Variants in PPP2R5E observed in about 807,000 individuals in gnomAD.
PPP2R5E encodes serine/threonine-protein phosphatase 2A 56 kDa regulatory subunit epsilon isoform.
A neutral mutation model predicts 65.3 loss-of-function variants in PPP2R5E; 4 were observed. The ratio of observed to expected loss-of-function variants is 0.06; its 90% CI spans 0.03 to 0.14. The LOEUF (loss-of-function observed/expected upper bound fraction) is 0.14, where lower values mean the gene tolerates loss of function less well. PPP2R5E is among the 10% of genes least tolerant of loss of function. The pLI is 1.00. For synonymous variants in PPP2R5E, 183 were observed against 187.4 expected (o/e 0.98, Z 0.19); for missense variants, 274 against 556.1 (o/e 0.49, Z 5.10).
intron 8 of PPP2R5E, 143 bp from the exon 9 acceptor site, chr14:63,392,168 T>C (rs1885060651): frequency 1.7e-5 from 10 of 582,624 alleles, no homozygotes; most frequent in Middle Eastern, 4.7e-4. Context: ...TCATAAAATC[T>C]ATATAAAGTA....
At chr14:63,441,498 G>A (rs1162785581) in intron 3 of PPP2R5E, among the ~76,000 whole-genome samples, 3 of 152,248 alleles carry the variant, frequency 2.0e-5, no homozygotes, top group Admixed American at 1.3e-4. Flanking sequence ...TACTCTCCAA[G>A]TGAGCAGCAT....
At chr14:63,412,326 A>G (rs1886436427) in intron 5 of PPP2R5E, among the ~76,000 whole-genome samples, 1 of 152,264 alleles carries the variant, frequency 6.6e-6, no homozygotes, top group Non-Finnish European at 1.5e-5. Flanking sequence ...AAGCTCAATT[A>G]GAAGCCAGCT....
In PPP2R5E at chr14:63,374,213, T is replaced by C. The variant is rs977238058; in HGVS notation, c.*1796A>G. On this transcript the variant is annotated 3_prime_UTR_variant, in exon 14 of 14. Transcript: ENST00000337537. Reference sequence around the variant, plus strand: ...GTGACCTGATCATCCTGAAAAACTTTATGGGGGAGAAAGGTCAGCAGCTTC... The same window carrying C: ...GTGACCTGATCATCCTGAAAAACTTCATGGGGGAGAAAGGTCAGCAGCTTC... 28 of 152,170 alleles carry C rather than the reference T, an allele frequency of 1.8e-4. No homozygotes were observed. The highest frequency in any genetic ancestry group is 6.3e-4 in the African/African-American group (26 of 41,506). The allele number at this position is 152,170 out of a possible 1,614,324, so 9.4% of individuals were successfully genotyped here.
intron 2 of PPP2R5E, among the ~76,000 whole-genome samples, chr14:63,487,084 A>T (rs1016212314): frequency 3.3e-5 from 5 of 152,202 alleles, no homozygotes; most frequent in African/African-American, 1.2e-4. Flanking sequence ...TGTATTTCCA[A>T]TACAGCTGTC....
intron 2 of PPP2R5E, among the ~76,000 whole-genome samples, chr14:63,465,447 C>A (rs1302787452): frequency 1.1e-5 from 1 of 90,614 alleles, no homozygotes. Context: ...AACTCCACCT[C>A]TACAAAAAAA....
At position 63,379,821 on chromosome 14, in the gene PPP2R5E, T is replaced by TCTCTCTCC. The variant is rs1884211330; in HGVS notation, c.1304+2234_1304+2235insGGAGAGAG. On this transcript the variant is annotated intron_variant, in intron 13 of 13. Coordinates refer to ENST00000337537, the MANE Select transcript of PPP2R5E (RefSeq NM_006246.5). ...GGAAATAAGTTGTTCTTCAATATTC[T>TCTCTCTCC]CTCTCTTTTTTTTTTTTTTTTTTTT... Among the ~76,000 whole-genome samples, 2 of 122,562 alleles carry TCTCTCTCC rather than the reference T, an allele frequency of 1.6e-5. 1 individual carries two copies. The highest frequency in any genetic ancestry group is 3.0e-5 in the Non-Finnish European group (2 of 66,054). The allele number at this position is 122,562 out of a possible 152,430, so 80.4% of individuals were successfully genotyped here.
At chr14:63,440,916 TC>T (rs1888201812) in intron 3 of PPP2R5E, among the ~76,000 whole-genome samples, 1 of 129,886 alleles carries the variant, frequency 7.7e-6, no homozygotes, top group South Asian at 2.5e-4. Context: ...GCCACTGCAC[TC>T]CAGCCTGGGC....
chr14:63,473,117 A>G (rs1890211659), intron 2 of PPP2R5E, among the ~76,000 whole-genome samples: 1 of 152,242 alleles, frequency 6.6e-6, no homozygotes, highest in African/African-American at 2.4e-5. Context: ...AAAGATTACT[A>G]ATGTTTCCAG....
chr14:63,539,746 T>A (rs926953718), intron 1 of PPP2R5E, 54 bp from the exon 2 acceptor site: 6 of 1,503,526 alleles, frequency 4.0e-6, no homozygotes, highest in Non-Finnish European at 5.5e-6. Flanking sequence ...GAAGCATACA[T>A]GTGAGTTATA....
At position 63,543,368 on chromosome 14, in the gene PPP2R5E, T is replaced by A. The variant is rs10140684; in HGVS notation, c.-597A>T. ...CCATGGCACACGCGCAACCGAACCT[T>A]CTGGCCAGCAGCGCCCGCCTCCGGC... On this transcript the variant is annotated 5_prime_UTR_variant, in exon 1 of 14. Coordinates refer to ENST00000337537, the MANE Select transcript of PPP2R5E (RefSeq NM_006246.5). 1,653 of 153,288 alleles carry A rather than the reference T, an allele frequency of 0.011. 21 individuals are homozygous for A. The highest frequency in any genetic ancestry group is 0.037 in the African/African-American group (1,521 of 41,592). 9.5% of individuals were successfully genotyped at this position (153,288 alleles called of 1,614,324 possible).
At chr14:63,505,498 C>A (rs1247153147) in intron 2 of PPP2R5E, among the ~76,000 whole-genome samples, 1 of 152,242 alleles carries the variant, frequency 6.6e-6, no homozygotes, top group Non-Finnish European at 1.5e-5. Flanking sequence ...GCCATTCACT[C>A]TGCTCTCCCC....
At chr14:63,398,155 G>A (rs1885522848) in intron 5 of PPP2R5E, among the ~76,000 whole-genome samples, 2 of 152,184 alleles carry the variant, frequency 1.3e-5, no homozygotes, top group South Asian at 2.1e-4. Context: ...ACAAGCTAAA[G>A]TTTCAGCCAA....
intron 5 of PPP2R5E, among the ~76,000 whole-genome samples, chr14:63,401,170 C>T (rs1039294403): frequency 6.6e-6 from 1 of 152,112 alleles, no homozygotes; most frequent in African/African-American, 2.4e-5. Flanking sequence ...AGAGAACATG[C>T]TTTTGATGAT....
chr14:63,494,526 C>T lies in PPP2R5E; in HGVS notation c.158-40641G>A, dbSNP rs1027896136. On this transcript the variant is annotated intron_variant, in intron 2 of 13. Transcript: ENST00000337537. ...CTGGGATTACAAGCGTGAGCCACCG[C>T]GCCCGGCTGTACAGCCATTTAAAAA... Among the ~76,000 whole-genome samples the T allele has an allele frequency of 1.5e-4, 23 of 150,358 alleles. No homozygotes were observed. In the East Asian group the frequency reaches 3.5e-3, roughly 23 times the overall value.
chr14:63,463,020 G>T (rs11852139), intron 2 of PPP2R5E, among the ~76,000 whole-genome samples: 48,015 of 147,858 alleles, frequency 0.32, 10,464 homozygotes, highest in African/African-American at 0.62. Context: ...GAGAATCGCT[G>T]GAACCTGGGA....
In PPP2R5E at chr14:63,372,586, C is replaced by A. The variant is rs983276060; in HGVS notation, c.*3423G>T. The A allele has an allele frequency of 1.3e-5, 2 of 152,072 alleles. No individual in the cohort carries two copies. Among genetic ancestry groups the A allele is most frequent in the Non-Finnish European group, 2.9e-5 (2 of 68,036 alleles). 9.4% of individuals were successfully genotyped at this position (152,072 alleles called of 1,614,324 possible). A position where few individuals can be genotyped will look rare whatever the true frequency, so the allele number is the denominator to read the frequency against. ...AAAGGAAAACAAGGAAAAAAAACCA[C>A]CCCAAACCCCAAAAAACTCTAAACA... On this transcript the variant is annotated 3_prime_UTR_variant, in exon 14 of 14. Coordinates refer to ENST00000337537, the MANE Select transcript of PPP2R5E (RefSeq NM_006246.5).
intron 2 of PPP2R5E, among the ~76,000 whole-genome samples, chr14:63,518,668 G>T (rs921588497): frequency 6.6e-6 from 1 of 152,036 alleles, no homozygotes; most frequent in African/African-American, 2.4e-5. Flanking sequence ...TTGTTTGCAT[G>T]GAAACCACAA....
At chr14:63,446,297 C>T (rs1255004879) in intron 3 of PPP2R5E, among the ~76,000 whole-genome samples, 1 of 152,190 alleles carries the variant, frequency 6.6e-6, no homozygotes, top group African/African-American at 2.4e-5. Flanking sequence ...CCCTTCCAAA[C>T]TCCTGTTAAT....
chr14:63,506,413 T>G (rs1161413339), intron 2 of PPP2R5E, among the ~76,000 whole-genome samples: 1 of 152,110 alleles, frequency 6.6e-6, no homozygotes, highest in East Asian at 1.9e-4. Context: ...ACTGCGCCAC[T>G]GCACTCCAGC....
Sources: allele counts gnomAD v4.1 joint callset (sites outside exome capture counted in the v4.1 genomes callset), GRCh38; gene constraint gnomAD v4.1.1; transcripts MANE v1.5; gene names NCBI Gene and HGNC (gene_info 2026-07-23, HGNC 2026-07-21).